Variants in RERE observed in about 807,000 individuals in gnomAD.
RERE encodes arginine-glutamic acid dipeptide repeats protein.
In RERE, 40 loss-of-function variants were observed where a neutral mutation model predicts 146.1. The ratio of observed to expected loss-of-function variants is 0.27; its 90% CI spans 0.21 to 0.36. The LOEUF is 0.36. RERE is among the 10% of genes least tolerant of loss of function. The pLI is 1.00. For missense variants in RERE, 1,933 were observed against 2,138.7 expected, an observed-to-expected ratio of 0.90 and a Z score of 1.90; for synonymous variants, 1,003 against 866.0, an observed-to-expected ratio of 1.16 and a Z score of -2.78.
chr1:8,474,425 CAT>C (rs1287357978), intron 10 of RERE, among the ~76,000 whole-genome samples: 1 of 152,190 alleles, frequency 6.6e-6, no homozygotes, highest in Non-Finnish European at 1.5e-5. Flanking sequence ...AAAATGTGCA[CAT>C]GTCCAAGCAC....
chr1:8,508,755 T>G (rs922811213), intron 7 of RERE, 80 bp from the exon 8 acceptor site: 32 of 1,154,644 alleles, frequency 2.8e-5, no homozygotes, highest in Middle Eastern at 1.9e-4. Context: ...AAAAAAGTAA[T>G]TCTCTTCAAA....
At chr1:8,496,348 G>A (rs1186267712) in intron 9 of RERE, among the ~76,000 whole-genome samples, 6 of 151,902 alleles carry the variant, frequency 3.9e-5, no homozygotes, top group East Asian at 1.9e-4. Flanking sequence ...ATGGTGCCAC[G>A]GGTCTATAAC....
intron 12 of RERE, among the ~76,000 whole-genome samples, chr1:8,402,428 C>G (rs564479465): frequency 1.4e-4 from 21 of 152,240 alleles, no homozygotes; most frequent in African/African-American, 5.1e-4. Context: ...GATAAGACAC[C>G]CTTACTGCCC....
intron 2 of RERE, among the ~76,000 whole-genome samples, chr1:8,628,648 C>T (rs1370301736): frequency 6.6e-6 from 1 of 152,098 alleles, no homozygotes; most frequent in Non-Finnish European, 1.5e-5. Flanking sequence ...TTCCCCTTGG[C>T]TCATTAATCA....
chr1:8,493,772 C>T (rs1388169492), intron 10 of RERE, among the ~76,000 whole-genome samples: 1 of 152,132 alleles, frequency 6.6e-6, no homozygotes, highest in African/African-American at 2.4e-5. Flanking sequence ...GGTTAATCAT[C>T]AGAAGAGGTG....
chr1:8,407,999 T>C (rs1278799292), intron 12 of RERE, among the ~76,000 whole-genome samples: 2 of 152,160 alleles, frequency 1.3e-5, no homozygotes, highest in Non-Finnish European at 2.9e-5. Flanking sequence ...GGGAAACCAA[T>C]ACAGCTTACC....
rs145807328 is a variant in RERE at position 8,722,368 on chromosome 1, C to T, written c.-144-65927G>A. Among the ~76,000 whole-genome samples, 63 of 152,246 alleles carry T rather than the reference C, an allele frequency of 4.1e-4. No individual in the cohort carries two copies. The East Asian group carries it at 0.011, about 27-fold the overall frequency. On this transcript the variant is annotated intron_variant, in intron 1 of 22. Transcript: ENST00000400908. ...TTTTTCATCCAAACTATAATGACAG[C>T]GATACTAATATTTATTGAGTGCTAA...
Position 8,508,737 on chromosome 1 carries a change from ATTTTTC to A in RERE, c.831-68_831-63del. ...ACAGTTTTGACATAAACATTCACAC[ATTTTTC>A]AAAAAAAGTAATTCTCTTCAAATAA... On this transcript the variant is annotated intron_variant, in intron 7 of 22. Transcript: ENST00000400908. 4 of 1,338,326 alleles carry A rather than the reference ATTTTTC, an allele frequency of 3.0e-6. No homozygotes were observed. The Admixed American group carries it at 6.2e-5, about 21-fold the overall frequency. 82.9% of individuals were successfully genotyped at this position (1,338,326 alleles called of 1,614,324 possible).
At chr1:8,602,262 G>C (rs1459461312) in intron 4 of RERE, among the ~76,000 whole-genome samples, 1 of 151,870 alleles carries the variant, frequency 6.6e-6, no homozygotes. Flanking sequence ...GTGGTGGCGG[G>C]CGCCTGTAGT....
At chr1:8,518,368 G>A (rs565246086) in intron 7 of RERE, among the ~76,000 whole-genome samples, 61 of 152,322 alleles carry the variant, frequency 4.0e-4, no homozygotes, top group African/African-American at 1.4e-3. Context: ...TGTGGCTGGC[G>A]TCATGTATGA....
chr1:8,468,702 A>G (rs1332165763), intron 10 of RERE, among the ~76,000 whole-genome samples: 1 of 152,148 alleles, frequency 6.6e-6, no homozygotes, highest in Non-Finnish European at 1.5e-5. Context: ...TGGGCAACAT[A>G]GTGAGACCTC....
At chr1:8,487,693 AG>A (rs781083360) in intron 10 of RERE, among the ~76,000 whole-genome samples, 25 of 152,208 alleles carry the variant, frequency 1.6e-4, no homozygotes, top group Non-Finnish European at 3.2e-4. Context: ...CAGAGGTTCA[AG>A]GAAGTGCAAT....
intron 7 of RERE, chr1:8,526,103 C>T (rs887457324): frequency 9.3e-7 from 1 of 1,074,410 alleles, no homozygotes; most frequent in African/African-American, 1.7e-5. Flanking sequence ...CCCTGCACAC[C>T]AAGCTAGTGT....
rs1266215006 is a variant in RERE at position 8,355,453 on chromosome 1, C to T, written c.4633G>A (p.Gly1545Ser). 2.5e-6 allele frequency: 4 copies of T among 1,612,994 alleles called. No homozygotes were observed. The highest frequency in any genetic ancestry group is 3.4e-6 in the Non-Finnish European group (4 of 1,180,008). The change falls in exon 22 of 23, where the codon GGT becomes AGT. Residue 1545 changes from glycine (G) to serine (S), a missense_variant. Physicochemically the swap from Gly to Ser is moderately conservative, Grantham distance 56. Coordinates refer to ENST00000400908, the MANE Select transcript of RERE (RefSeq NM_001042681.2). ...TCTTCCTGACTTGGTAGGTGGCCAC[C>T]ATGCATGTGGGGGTGTCCATGCAGC... is the stretch of plus-strand genomic sequence containing the variant. Reference protein sequence around the residue: ...QWLHGHPHMHGGHLPSQEDYY... With the variant: ...QWLHGHPHMHSGHLPSQEDYY...
chr1:8,586,334 G>A (rs571716335), intron 4 of RERE, among the ~76,000 whole-genome samples: 133 of 152,332 alleles, frequency 8.7e-4, no homozygotes, highest in African/African-American at 3.1e-3. Context: ...CTTAGGGAAA[G>A]AAGGAATTGT....
intron 12 of RERE, among the ~76,000 whole-genome samples, chr1:8,378,497 T>C (rs910791737): frequency 6.6e-6 from 1 of 152,122 alleles, no homozygotes; most frequent in African/African-American, 2.4e-5. Flanking sequence ...CAAGAGGTGA[T>C]TATGTTAAAA....
chr1:8,469,101 CAT>C (rs1644645461), intron 10 of RERE, among the ~76,000 whole-genome samples: 1 of 151,600 alleles, frequency 6.6e-6, no homozygotes, highest in South Asian at 2.1e-4. Flanking sequence ...CTCTTAGCGA[CAT>C]GTGAGGATAA....
chr1:8,451,670 G>A (rs1010830818), intron 11 of RERE, among the ~76,000 whole-genome samples: 18 of 152,120 alleles, frequency 1.2e-4, no homozygotes, highest in African/African-American at 4.3e-4. Flanking sequence ...AGCTCTCAAC[G>A]TCTCTCACTA....
At chr1:8,445,931 T>C (rs1339537492) in intron 11 of RERE, among the ~76,000 whole-genome samples, 2 of 151,922 alleles carry the variant, frequency 1.3e-5, no homozygotes, top group Non-Finnish European at 2.9e-5. Context: ...GTGTTTGGTT[T>C]TCTGTCCTTG....
Sources: gnomAD v4.1 joint callset for allele counts (sites outside exome capture counted in the v4.1 genomes callset) on GRCh38, gnomAD v4.1.1 for gene constraint, MANE v1.5 for transcripts, NCBI Gene and HGNC (gene_info 2026-07-23, HGNC 2026-07-21) for gene names.